Variants in THEMIS observed in about 807,000 individuals in gnomAD.
THEMIS encodes thymocyte selection associated.
Under a neutral mutation model 52.6 loss-of-function variants are expected in THEMIS, and 37 were observed. That is an observed-to-expected ratio of 0.70 (90% CI 0.54 to 0.93). THEMIS has a LOEUF of 0.93. Among genes scored for constraint, THEMIS ranks in the 40% least tolerant of loss-of-function variants. THEMIS has a pLI of 0.00. For synonymous variants in THEMIS, 292 were observed against 272.7 expected, an observed-to-expected ratio of 1.07 and a Z score of -0.70; for missense variants, 808 against 763.1, an observed-to-expected ratio of 1.06 and a Z score of -0.69.
chr6:127,879,299 G>A (rs899568953), intron 1 of THEMIS, among the ~76,000 whole-genome samples: 1 of 152,096 alleles, frequency 6.6e-6, no homozygotes, highest in Non-Finnish European at 1.5e-5. Flanking sequence ...CTCTGCAAGA[G>A]GCTTGGACTT....
intron 4 of THEMIS, among the ~76,000 whole-genome samples, chr6:127,807,657 G>C (rs1234694845): frequency 6.6e-6 from 1 of 152,180 alleles, no homozygotes; most frequent in Non-Finnish European, 1.5e-5. Flanking sequence ...TGAGTAGAAA[G>C]GTGTGAGTGT....
intron 4 of THEMIS, among the ~76,000 whole-genome samples, chr6:127,730,292 A>G (rs1463656861): frequency 2.1e-5 from 3 of 145,124 alleles, no homozygotes; most frequent in South Asian, 4.2e-4. Flanking sequence ...AAAAGAAAAG[A>G]AAAGAAAAGA....
At chr6:127,788,410 G>A (rs558134469) in intron 4 of THEMIS, among the ~76,000 whole-genome samples, 18 of 152,112 alleles carry the variant, frequency 1.2e-4, no homozygotes, top group Non-Finnish European at 2.5e-4. Context: ...GAAAGGTTGA[G>A]GGATGAATAC....
At chr6:127,714,861 TG>T (rs1372963184) in intron 5 of THEMIS, among the ~76,000 whole-genome samples, 34 of 152,010 alleles carry the variant, frequency 2.2e-4, no homozygotes, top group African/African-American at 7.9e-4. Flanking sequence ...CCTCTCAATA[TG>T]GTACACGGTT....
At chr6:127,779,836 TTA>T in intron 4 of THEMIS, among the ~76,000 whole-genome samples, 1 of 152,318 alleles carries the variant, frequency 6.6e-6, no homozygotes, top group Non-Finnish European at 1.5e-5. Flanking sequence ...TTATACTGTT[TTA>T]TATAGCTTCA....
intron 4 of THEMIS, among the ~76,000 whole-genome samples, chr6:127,754,862 A>G (rs765719546): frequency 1.3e-5 from 2 of 151,738 alleles, no homozygotes; most frequent in African/African-American, 4.9e-5. Context: ...TAAACTGTCT[A>G]TAAATTATCT....
At chr6:127,864,498 G>A (rs1779908296) in intron 1 of THEMIS, among the ~76,000 whole-genome samples, 1 of 152,068 alleles carries the variant, frequency 6.6e-6, no homozygotes, top group South Asian at 2.1e-4. Context: ...CAGGGAAGCA[G>A]AGAGGTGAGT....
intron 3 of THEMIS, among the ~76,000 whole-genome samples, chr6:127,817,227 G>T (rs143359824): frequency 6.6e-6 from 1 of 152,024 alleles, no homozygotes; most frequent in Non-Finnish European, 1.5e-5. Flanking sequence ...GCGTATAGTA[G>T]ATACTCAATA....
intron 5 of THEMIS, 127 bp from the exon 6 acceptor site, chr6:127,710,143 G>A: frequency 1.8e-5 from 9 of 510,806 alleles, no homozygotes; most frequent in South Asian, 1.5e-4. Context: ...TGGAAGCAAA[G>A]CAGAAAGAGC....
intron 1 of THEMIS, among the ~76,000 whole-genome samples, chr6:127,867,139 G>A (rs1780007499): frequency 6.6e-6 from 1 of 151,756 alleles, no homozygotes; most frequent in South Asian, 2.1e-4. Context: ...GTATTCTTGG[G>A]AAAACTTTGA....
Position 127,901,021 on chromosome 6 carries a change from A to T in THEMIS, c.-89T>A. The stretch of plus-strand genomic sequence containing the variant: ...TTGTCTGCAATTGCAGCCCCTGCTC[A>T]CCATTTCTTCCTCAGGCAGGCAGGA... On this transcript the variant is annotated 5_prime_UTR_variant, in exon 1 of 6. Transcript: ENST00000368248. The T allele has an allele frequency of 2.0e-6, 2 of 1,014,358 alleles. No homozygotes were observed. The highest frequency in any genetic ancestry group is 3.1e-6 in the Non-Finnish European group (2 of 640,608). 62.8% of individuals were successfully genotyped at this position (1,014,358 alleles called of 1,614,324 possible).
intron 1 of THEMIS, among the ~76,000 whole-genome samples, chr6:127,917,731 C>T (rs1781556230): frequency 1.3e-5 from 2 of 152,174 alleles, no homozygotes; most frequent in Admixed American, 6.5e-5. Flanking sequence ...ATCACATTCT[C>T]TTCCCCAGAA....
At chr6:127,806,920 G>C (rs954992131) in intron 4 of THEMIS, among the ~76,000 whole-genome samples, 1 of 152,126 alleles carries the variant, frequency 6.6e-6, no homozygotes, top group African/African-American at 2.4e-5. Context: ...TTCATCCTTT[G>C]CCCTCTTCTC....
intron 4 of THEMIS, among the ~76,000 whole-genome samples, chr6:127,781,734 A>C (rs1215220430): frequency 6.6e-6 from 1 of 152,164 alleles, no homozygotes; most frequent in South Asian, 2.1e-4. Context: ...GCTGCAGAAC[A>C]GGAAAGATTG....
In THEMIS at chr6:127,813,389, T is replaced by C; in HGVS notation, c.1252A>G (p.Lys418Glu). Residue 418 changes from lysine to glutamate, a missense_variant, in exon 4 of 6, where the codon AAA becomes GAA. Coordinates refer to ENST00000368248, the MANE Select transcript of THEMIS (RefSeq NM_001010923.3). ...AGCAGCGCAGCCTCATAGGACTTTT[T>C]GAGGATTTTTTCACAGGCCAGAACA... ...VNVLACEKIL[K>E]KSYEAALLPL... 6.2e-7 allele frequency: 1 copy of C among 1,613,742 alleles called. No homozygotes were observed. Among genetic ancestry groups the C allele is most frequent in the Non-Finnish European group, 8.5e-7 (1 of 1,179,844 alleles).
At chr6:127,762,270 G>A (rs1055921325) in intron 4 of THEMIS, among the ~76,000 whole-genome samples, 1 of 152,040 alleles carries the variant, frequency 6.6e-6, no homozygotes, top group Non-Finnish European at 1.5e-5. Context: ...AATGAGGAGT[G>A]ACAAATTAAG....
chr6:127,727,219 A>T (rs562318350), intron 4 of THEMIS, among the ~76,000 whole-genome samples: 2 of 152,272 alleles, frequency 1.3e-5, no homozygotes, highest in South Asian at 4.1e-4. Flanking sequence ...TTGCATGATT[A>T]TTGTCATAAC....
chr6:127,833,098 A>G (rs1254014517), intron 2 of THEMIS, among the ~76,000 whole-genome samples: 3 of 151,904 alleles, frequency 2.0e-5, no homozygotes, highest in African/African-American at 7.3e-5. Context: ...AGTTCTCAAA[A>G]TAAATTTTAT....
intron 4 of THEMIS, among the ~76,000 whole-genome samples, chr6:127,781,343 C>T (rs1388560909): frequency 6.6e-6 from 1 of 151,886 alleles, no homozygotes; most frequent in African/African-American, 2.4e-5. Context: ...AAACATGCTC[C>T]TTTAGCTTGG....
Sources: allele counts gnomAD v4.1 joint callset (sites outside exome capture counted in the v4.1 genomes callset), GRCh38; gene constraint gnomAD v4.1.1; transcripts MANE v1.5; gene names NCBI Gene and HGNC (gene_info 2026-07-23, HGNC 2026-07-21).